LRRC4C: variants seen among roughly 807,000 people sequenced by gnomAD.
The protein encoded by LRRC4C is leucine-rich repeat-containing protein 4C.
LRRC4C carries 5 observed loss-of-function variants against 33.6 expected under a neutral mutation model. The ratio of observed to expected loss-of-function variants is 0.15; its 90% CI spans 0.08 to 0.31. The LOEUF (loss-of-function observed/expected upper bound fraction) is 0.31. LRRC4C is among the 10% of genes least tolerant of loss of function. LRRC4C has a pLI of 1.00. For missense variants in LRRC4C, 560 were observed against 796.7 expected, an observed-to-expected ratio of 0.70 and a Z score of 3.58; for synonymous variants, 329 against 302.0, an observed-to-expected ratio of 1.09 and a Z score of -0.93.
At chr11:41,360,471 T>C (rs565173347) in intron 1 of LRRC4C, among the ~76,000 whole-genome samples, 19 of 152,150 alleles carry the variant, frequency 1.2e-4, no homozygotes, top group Admixed American at 3.9e-4. Context: ...TATTTAAAAA[T>C]CCTACAAACA....
At chr11:40,849,025 G>T (rs925626323) in intron 2 of LRRC4C, among the ~76,000 whole-genome samples, 2 of 151,888 alleles carry the variant, frequency 1.3e-5, no homozygotes, top group Non-Finnish European at 2.9e-5. Flanking sequence ...CCTTTATTTT[G>T]AGCATATTGT....
intron 1 of LRRC4C, among the ~76,000 whole-genome samples, chr11:40,967,735 A>G (rs2136951458): frequency 6.6e-6 from 1 of 152,074 alleles, no homozygotes; most frequent in Non-Finnish European, 1.5e-5. Flanking sequence ...TCCATTAACC[A>G]GCTGTTATGC....
chr11:40,323,190 C>CA (rs1320711185), intron 3 of LRRC4C, among the ~76,000 whole-genome samples: 1 of 152,120 alleles, frequency 6.6e-6, no homozygotes, highest in Non-Finnish European at 1.5e-5. Flanking sequence ...GTAACTAAAA[C>CA]AAATGATTTT....
intron 3 of LRRC4C, among the ~76,000 whole-genome samples, chr11:40,631,914 T>C (rs1378073285): frequency 6.6e-6 from 1 of 152,200 alleles, no homozygotes; most frequent in Non-Finnish European, 1.5e-5. Flanking sequence ...ATTCATAACT[T>C]GTACTTAAAA....
intron 2 of LRRC4C, among the ~76,000 whole-genome samples, chr11:40,721,771 A>G (rs1243046304): frequency 9.3e-6 from 1 of 106,952 alleles, no homozygotes; most frequent in Non-Finnish European, 2.0e-5. Flanking sequence ...TAACGTGGTG[A>G]AACCCTAAAA....
At chr11:40,502,679 A>T (rs1954836769) in intron 3 of LRRC4C, among the ~76,000 whole-genome samples, 1 of 152,098 alleles carries the variant, frequency 6.6e-6, no homozygotes, top group Admixed American at 6.5e-5. Context: ...TCAAGATGAG[A>T]TTTGGTTGGG....
rs902249014 is a variant in LRRC4C, at chr11:41,051,858, G to A, written c.-495-118135C>T. Among the ~76,000 whole-genome samples, 4 of 152,060 alleles carry A rather than the reference G, an allele frequency of 2.6e-5. No individual in the cohort carries two copies. In the South Asian group the frequency reaches 8.3e-4, roughly 32 times the overall value. On this transcript the variant is annotated intron_variant, in intron 1 of 6. Coordinates refer to ENST00000528697, the MANE Select transcript of LRRC4C (RefSeq NM_001258419.2). ...AGCACAGCATGCTCTGGCATCTAAT[G>A]CAATATGCTAAGAGCAAACAAAGAA...
intron 1 of LRRC4C, among the ~76,000 whole-genome samples, chr11:41,194,086 T>C (rs922251954): frequency 6.6e-6 from 1 of 152,104 alleles, no homozygotes; most frequent in African/African-American, 2.4e-5. Flanking sequence ...TTTATAATGA[T>C]TCACTTTTAT....
rs188748574 is a variant in LRRC4C, at chr11:41,159,494, T to C, written c.-495-225771A>G. Among the ~76,000 whole-genome samples, 153 of 152,098 alleles carry C rather than the reference T, an allele frequency of 1.0e-3. 1 individual carries two copies. The highest frequency in any genetic ancestry group is 3.6e-3 in the African/African-American group (150 of 41,518). On this transcript the variant is annotated intron_variant, in intron 1 of 6. Coordinates refer to ENST00000528697, the MANE Select transcript of LRRC4C (RefSeq NM_001258419.2). Reference sequence around the variant, plus strand: ...GAAGACACACTGTCTGAGAGGAGTATGAGAATTAGCTAAAAGAAACAATGA... The same window carrying C: ...GAAGACACACTGTCTGAGAGGAGTACGAGAATTAGCTAAAAGAAACAATGA...
intron 1 of LRRC4C, among the ~76,000 whole-genome samples, chr11:40,963,781 T>C (rs1851134565): frequency 6.6e-6 from 1 of 151,820 alleles, no homozygotes; most frequent in Non-Finnish European, 1.5e-5. Context: ...AGATGGGGCA[T>C]CTTTCAAATA....
At chr11:41,144,224 T>C (rs928456357) in intron 1 of LRRC4C, among the ~76,000 whole-genome samples, 3 of 152,166 alleles carry the variant, frequency 2.0e-5, no homozygotes, top group African/African-American at 7.2e-5. Context: ...CAGCTGGGAA[T>C]AAAATGTCTG....
intron 1 of LRRC4C, among the ~76,000 whole-genome samples, chr11:41,444,798 C>T (rs375118211): frequency 6.7e-4 from 83 of 124,414 alleles, no homozygotes; most frequent in African/African-American, 2.7e-3. Context: ...GACAGGAAGT[C>T]TAACTTAATT....
intron 6 of LRRC4C, 100 bp downstream of exon 6, chr11:40,140,701 C>T (rs1057366357): frequency 2.6e-5 from 4 of 152,318 alleles, no homozygotes; most frequent in Non-Finnish European, 5.9e-5. Flanking sequence ...CAGTCATTGC[C>T]GTTATCAGGT....
At chr11:40,602,376 GA>G (rs1172701830) in intron 3 of LRRC4C, among the ~76,000 whole-genome samples, 1 of 151,944 alleles carries the variant, frequency 6.6e-6, no homozygotes, top group African/African-American at 2.4e-5. Context: ...ATATAGTTTT[GA>G]AAAAGGTGAA....
At chr11:41,102,401 G>C (rs1941244524) in intron 1 of LRRC4C, among the ~76,000 whole-genome samples, 1 of 152,030 alleles carries the variant, frequency 6.6e-6, no homozygotes, top group Admixed American at 6.6e-5. Context: ...AAAAGATTAA[G>C]TAGTTTCCAC....
chr11:41,215,313 C>T (rs1188869272), intron 1 of LRRC4C, among the ~76,000 whole-genome samples: 2 of 151,560 alleles, frequency 1.3e-5, no homozygotes, highest in Non-Finnish European at 2.9e-5. Context: ...CATGGTGAAA[C>T]CCTGCCTCTA....
At chr11:40,785,062 T>C (rs1950359117) in intron 2 of LRRC4C, among the ~76,000 whole-genome samples, 1 of 152,208 alleles carries the variant, frequency 6.6e-6, no homozygotes, top group South Asian at 2.1e-4. Context: ...TGATAATGTA[T>C]GTGTAGATTT....
At chr11:40,331,109 T>C (rs1298279885) in intron 3 of LRRC4C, among the ~76,000 whole-genome samples, 1 of 152,072 alleles carries the variant, frequency 6.6e-6, no homozygotes, top group Admixed American at 6.6e-5. Context: ...GTGACTATTA[T>C]CAAAAAGACA....
chr11:41,451,832 C>A (rs1230260876), intron 1 of LRRC4C, among the ~76,000 whole-genome samples: 1 of 152,026 alleles, frequency 6.6e-6, no homozygotes, highest in Non-Finnish European at 1.5e-5. Context: ...TGACCCTGAG[C>A]AAAAGTCACA....
Sources: gnomAD v4.1 joint callset for allele counts (sites outside exome capture counted in the v4.1 genomes callset) on GRCh38, gnomAD v4.1.1 for gene constraint, MANE v1.5 for transcripts, NCBI Gene and HGNC (gene_info 2026-07-23, HGNC 2026-07-21) for gene names.